PDGFC: variants seen among roughly 807,000 people sequenced by gnomAD.
PDGFC encodes platelet-derived growth factor C.
PDGFC carries 12 observed loss-of-function variants against 35.5 expected under a neutral mutation model. The observed-to-expected ratio is 0.34, with a 90% CI of 0.22 to 0.55. The LOEUF (loss-of-function observed/expected upper bound fraction) is 0.55. Among genes scored for constraint, PDGFC ranks in the 20% least tolerant of loss-of-function variants. The pLI, the probability that PDGFC is intolerant of heterozygous loss-of-function variation, is 0.91. For missense variants in PDGFC, 322 were observed against 412.4 expected (o/e 0.78, Z 1.90); for synonymous variants, 159 against 148.8 (o/e 1.07, Z -0.50).
intron 1 of PDGFC, among the ~76,000 whole-genome samples, chr4:156,904,516 G>A (rs547738192): frequency 4.6e-5 from 7 of 151,986 alleles, no homozygotes; most frequent in South Asian, 2.1e-4. Flanking sequence ...TCTATTGCTC[G>A]AAACACTAGT....
In PDGFC at chr4:156,850,429, A is replaced by G; in HGVS notation, c.119-13T>C. 7.1e-7 allele frequency: 1 copy of G among 1,416,884 alleles called. No individual in the cohort carries two copies. The highest frequency in any genetic ancestry group is 9.7e-7 in the Non-Finnish European group (1 of 1,034,516). The allele number at this position is 1,416,884 out of a possible 1,614,324, so 87.8% of individuals were successfully genotyped here. ...GGATCTTGTACTCCTAAAGCAAAAA[A>G]CATAGACATAGACATACATTTAGAT... is the stretch of plus-strand genomic sequence containing the variant. On this transcript the variant is annotated splice_polypyrimidine_tract_variant and intron_variant, in intron 1 of 5. Coordinates refer to ENST00000502773, the MANE Select transcript of PDGFC (RefSeq NM_016205.3).
chr4:156,899,127 T>C (rs1730704215), intron 1 of PDGFC, among the ~76,000 whole-genome samples: 1 of 152,214 alleles, frequency 6.6e-6, no homozygotes, highest in Non-Finnish European at 1.5e-5. Context: ...GTTCCACATT[T>C]GTGGATTCAA....
intron 2 of PDGFC, among the ~76,000 whole-genome samples, chr4:156,819,206 T>C (rs1271819690): frequency 2.0e-5 from 3 of 152,074 alleles, no homozygotes; most frequent in Non-Finnish European, 4.4e-5. Context: ...CAGCAGGTTA[T>C]CCAGAAGATC....
rs772316168 is a variant in PDGFC, at chr4:156,763,183, G to A, written c.945C>T (p.Thr315=). Residue 315 remains threonine, a synonymous_variant, in exon 6 of 6, where the codon ACC becomes ACT. Coordinates refer to ENST00000502773, the MANE Select transcript of PDGFC (RefSeq NM_016205.3). ...YHEVLQLRPK[T]GVRGLHKSLT... is the part of the protein sequence containing the mutation. Reference sequence around the variant, plus strand: ...GTGATTTGTGCAATCCCCTGACACCGGTCTTTGGTCTCAACTGAAGGACCT... The same window carrying A: ...GTGATTTGTGCAATCCCCTGACACCAGTCTTTGGTCTCAACTGAAGGACCT... The A allele has an allele frequency of 1.6e-5, 26 of 1,606,746 alleles. No homozygotes were observed. The highest frequency in any genetic ancestry group is 2.2e-5 in the East Asian group (1 of 44,818).
At chr4:156,820,775 A>G (rs1436251853) in intron 2 of PDGFC, among the ~76,000 whole-genome samples, 1 of 152,204 alleles carries the variant, frequency 6.6e-6, no homozygotes, top group Non-Finnish European at 1.5e-5. Context: ...AAAATCAACA[A>G]CTTAGATAAA....
At chr4:156,890,303 T>A in intron 1 of PDGFC, among the ~76,000 whole-genome samples, 1 of 152,052 alleles carries the variant, frequency 6.6e-6, no homozygotes, top group Non-Finnish European at 1.5e-5. Context: ...AAAAACAGCA[T>A]GTTCCTTCTT....
intron 2 of PDGFC, among the ~76,000 whole-genome samples, chr4:156,833,596 TTTTA>T (rs1171049329): frequency 2.6e-5 from 4 of 152,200 alleles, no homozygotes; most frequent in Non-Finnish European, 5.9e-5. Flanking sequence ...AAGGTGTTAT[TTTTA>T]TTTAGTTTTA....
At chr4:156,802,986 G>C (rs991048779) in intron 3 of PDGFC, among the ~76,000 whole-genome samples, 7 of 152,132 alleles carry the variant, frequency 4.6e-5, no homozygotes, top group African/African-American at 1.7e-4. Context: ...AGTAAATTGA[G>C]ACACAGGAAG....
At chr4:156,966,403 GA>G (rs1732467521) in intron 1 of PDGFC, among the ~76,000 whole-genome samples, 2 of 151,802 alleles carry the variant, frequency 1.3e-5, no homozygotes, top group South Asian at 4.2e-4. Context: ...CATTTTGGTT[GA>G]TACAAACAGA....
chr4:156,830,389 C>T (rs901675271), intron 2 of PDGFC, among the ~76,000 whole-genome samples: 16 of 152,100 alleles, frequency 1.1e-4, no homozygotes, highest in Non-Finnish European at 1.8e-4. Flanking sequence ...AAGCACTGTG[C>T]ATCCTTTCCC....
chr4:156,932,953 A>C (rs1214062021), intron 1 of PDGFC, among the ~76,000 whole-genome samples: 1 of 152,158 alleles, frequency 6.6e-6, no homozygotes, highest in Non-Finnish European at 1.5e-5. Flanking sequence ...ACAAAGAGTG[A>C]AGTAAACAAA....
At chr4:156,807,391 A>T (rs994476642) in intron 3 of PDGFC, among the ~76,000 whole-genome samples, 3 of 152,006 alleles carry the variant, frequency 2.0e-5, no homozygotes, top group African/African-American at 7.2e-5. Flanking sequence ...GTACCTGTGA[A>T]TCAAGAAAAT....
Position 156,925,843 on chromosome 4 carries a change from T to C in PDGFC, c.118+44943A>G, listed in dbSNP as rs186033084. On this transcript the variant is annotated intron_variant, in intron 1 of 5. Coordinates refer to ENST00000502773, the MANE Select transcript of PDGFC (RefSeq NM_016205.3). Reference sequence around the variant, plus strand: ...AGGCGGGTAGACTGCCTGAGCCCAGTAGTTTGAGACCAGCCTGGGCAACAG... The same window carrying C: ...AGGCGGGTAGACTGCCTGAGCCCAGCAGTTTGAGACCAGCCTGGGCAACAG... Among the ~76,000 whole-genome samples, 123 of 150,320 alleles carry C rather than the reference T, an allele frequency of 8.2e-4. No individual in the cohort carries two copies. The South Asian group carries it at 0.017, about 21-fold the overall frequency.
intron 1 of PDGFC, among the ~76,000 whole-genome samples, chr4:156,959,872 T>C (rs1268352981): frequency 1.3e-5 from 2 of 151,954 alleles, no homozygotes; most frequent in Admixed American, 6.6e-5. Context: ...TTTAAAGCTG[T>C]TAGTTTAATG....
chr4:156,826,174 A>ATTTT (rs59421806), intron 2 of PDGFC, among the ~76,000 whole-genome samples: 850 of 43,772 alleles, frequency 0.019, 173 homozygotes, highest in Middle Eastern at 0.094. Flanking sequence ...TTTGAGTTGG[A>ATTTT]TTTTTTTTTT....
intron 4 of PDGFC, among the ~76,000 whole-genome samples, chr4:156,770,920 A>T (rs1190063024): frequency 1.3e-5 from 2 of 152,080 alleles, no homozygotes; most frequent in African/African-American, 4.8e-5. Context: ...TTCAATGTCT[A>T]ATTAGAAGCT....
At chr4:156,825,593 T>TAATAATAATAAG (rs1267062505) in intron 2 of PDGFC, among the ~76,000 whole-genome samples, 18 of 62,188 alleles carry the variant, frequency 2.9e-4, no homozygotes, top group African/African-American at 4.7e-4. Flanking sequence ...ATAATAATAA[T>TAATAATAATAAG]AAGAAGAAGA....
chr4:156,928,800 T>C (rs1012168464), intron 1 of PDGFC, among the ~76,000 whole-genome samples: 9 of 152,230 alleles, frequency 5.9e-5, no homozygotes, highest in South Asian at 2.1e-4. Flanking sequence ...TTGGAAAACA[T>C]TGCTTACAAG....
At chr4:156,808,607 C>A (rs1731836743) in intron 3 of PDGFC, among the ~76,000 whole-genome samples, 1 of 151,726 alleles carries the variant, frequency 6.6e-6, no homozygotes, top group Admixed American at 6.6e-5. Context: ...ATCTGTTACA[C>A]AGATAAGATT....
Sources: gnomAD v4.1 joint callset for allele counts (sites outside exome capture counted in the v4.1 genomes callset) on GRCh38, gnomAD v4.1.1 for gene constraint, MANE v1.5 for transcripts, NCBI Gene and HGNC (gene_info 2026-07-23, HGNC 2026-07-21) for gene names.